The following CHRDL1 variants were observed in gnomAD, a reference collection of about 807,000 sequenced individuals.
The protein encoded by CHRDL1 is chordin like 1.
CHRDL1 carries 19 observed loss-of-function variants against 40.9 expected under a neutral mutation model. The ratio of observed to expected loss-of-function variants is 0.46; its 90% CI spans 0.32 to 0.68. CHRDL1 has a LOEUF of 0.68. Ranked by LOEUF, CHRDL1 falls within the 30% of genes least tolerant of loss-of-function variation. The probability of loss-of-function intolerance (pLI) is 0.03; values close to 1 mark genes in which losing one functional copy is unlikely to be tolerated. For missense variants in CHRDL1, 329 were observed against 352.1 expected (o/e 0.93, Z 0.53); for synonymous variants, 136 against 123.4 (o/e 1.10, Z -0.68).
At chrX:110,716,164 A>C (rs1448144740) in intron 6 of CHRDL1, among the ~76,000 whole-genome samples, 3 of 112,231 alleles carry the variant, frequency 2.7e-5, no homozygotes, top group Non-Finnish European at 3.8e-5. Flanking sequence ...GGGGAAGAAA[A>C]CAACTTGGAG....
chrX:110,707,878 T>A (rs2070673851), intron 6 of CHRDL1, among the ~76,000 whole-genome samples: 1 of 110,762 alleles, frequency 9.0e-6, no homozygotes, highest in Non-Finnish European at 1.9e-5. Context: ...TGGGAGAAAA[T>A]TTGTGCAATC....
chrX:110,745,189 C>T (rs2071430501), intron 4 of CHRDL1, among the ~76,000 whole-genome samples: 1 of 111,826 alleles, frequency 8.9e-6, no homozygotes, highest in Non-Finnish European at 1.9e-5. Flanking sequence ...TGAATTCTTA[C>T]AGTTAAGCTA....
intron 9 of CHRDL1, among the ~76,000 whole-genome samples, chrX:110,686,962 T>G (rs904128110): frequency 1.8e-5 from 2 of 109,391 alleles, no homozygotes; most frequent in Non-Finnish European, 3.8e-5. Flanking sequence ...TCTCATAAAT[T>G]TCAATGCCCC....
rs2089277940 is a variant in CHRDL1, at chrX:110,747,436, A to AC, written c.301+12224_301+12225insG. On this transcript the variant is annotated intron_variant, in intron 4 of 11. Transcript: ENST00000372042. ...CACACACACACACACACACACACAC[A>AC]AAACCAAACATCAAGAAGACCAAAA... Among the ~76,000 whole-genome samples the AC allele has an allele frequency of 2.8e-5, 3 of 107,202 alleles. No homozygotes were observed. In the South Asian group the frequency reaches 1.2e-3, roughly 44 times the overall value. The allele number at this position is 107,202 out of a possible 115,157, so 93.1% of individuals were successfully genotyped here. A position where few individuals can be genotyped will look rare whatever the true frequency, so the allele number is the denominator to read the frequency against.
intron 2 of CHRDL1, among the ~76,000 whole-genome samples, chrX:110,763,142 C>T (rs1263700076): frequency 2.7e-5 from 3 of 110,812 alleles, no homozygotes; most frequent in Admixed American, 9.6e-5. Context: ...TTTATTTTTC[C>T]ATAAGTTATT....
At chrX:110,743,441 A>T (rs1174682921) in intron 4 of CHRDL1, among the ~76,000 whole-genome samples, 1 of 112,169 alleles carries the variant, frequency 8.9e-6, no homozygotes, top group Non-Finnish European at 1.9e-5. Flanking sequence ...GTCCTGCCTT[A>T]AAAAATTTCC....
chrX:110,726,144 G>A (rs1026672772), intron 4 of CHRDL1, among the ~76,000 whole-genome samples: 3 of 111,290 alleles, frequency 2.7e-5, no homozygotes, highest in African/African-American at 9.8e-5. Flanking sequence ...TGATGCAAGA[G>A]AAGATAACTG....
chrX:110,690,406 T>C (rs1160730638), intron 8 of CHRDL1, among the ~76,000 whole-genome samples: 2 of 108,790 alleles, frequency 1.8e-5, no homozygotes, highest in African/African-American at 6.7e-5. Flanking sequence ...GAAAGCAGAG[T>C]TCTATCTCTA....
chrX:110,782,732 A>G (rs2089965147), intron 2 of CHRDL1, among the ~76,000 whole-genome samples: 1 of 112,331 alleles, frequency 8.9e-6, no homozygotes, highest in Non-Finnish European at 1.9e-5. Context: ...TGATGGGAAG[A>G]CAAGATTACC....
At chrX:110,678,682 T>G (rs5943045) in intron 11 of CHRDL1, among the ~76,000 whole-genome samples, 53,531 of 110,412 alleles carry the variant, frequency 0.48, 11,296 homozygotes, top group African/African-American at 0.79. Context: ...CATACTGAAG[T>G]CATTTTCATG....
chrX:110,679,436 GC>G lies in CHRDL1; in HGVS notation c.1157-12del. On this transcript the variant is annotated splice_polypyrimidine_tract_variant and intron_variant, in intron 10 of 11. Coordinates refer to ENST00000372042, the MANE Select transcript of CHRDL1 (RefSeq NM_001143981.2). The stretch of plus-strand genomic sequence containing the variant: ...AGTGCTGGAGAATGCCTAGGGCCAA[GC>G]AAAAAGTGGAGCAAATGGTCAGGCA... The G allele has an allele frequency of 8.8e-7, 1 of 1,141,553 alleles. No homozygotes were observed. The highest frequency in any genetic ancestry group is 2.4e-4 in the Middle Eastern group (1 of 4,088). The allele number at this position is 1,141,553 out of a possible 1,213,427, so 94.1% of individuals were successfully genotyped here. A position where few individuals can be genotyped will look rare whatever the true frequency, so the allele number is the denominator to read the frequency against.
intron 10 of CHRDL1, among the ~76,000 whole-genome samples, chrX:110,679,901 C>T (rs974621809): frequency 4.5e-5 from 5 of 112,138 alleles, no homozygotes; most frequent in African/African-American, 1.6e-4. Flanking sequence ...TGTTCTTGAA[C>T]TCACTGAAAA....
At chrX:110,684,878 C>T (rs1029149540) in intron 9 of CHRDL1, among the ~76,000 whole-genome samples, 5 of 112,076 alleles carry the variant, frequency 4.5e-5, no homozygotes, top group African/African-American at 1.6e-4. Context: ...GTCTGGCTCA[C>T]TGAGAGGCAG....
chrX:110,727,456 T>A (rs1412559323), intron 4 of CHRDL1, among the ~76,000 whole-genome samples: 1 of 112,351 alleles, frequency 8.9e-6, no homozygotes, highest in Non-Finnish European at 1.9e-5. Flanking sequence ...TGGAATAGAA[T>A]CTCTTCACAT....
chrX:110,760,006 T>C (rs1191766511), intron 3 of CHRDL1, among the ~76,000 whole-genome samples: 1 of 112,026 alleles, frequency 8.9e-6, no homozygotes, highest in African/African-American at 3.2e-5. Context: ...TCCCATTAAT[T>C]GTGGGAGGCT....
chrX:110,689,069 T>TATATAAATATATATATAA (rs2070091723), intron 8 of CHRDL1, among the ~76,000 whole-genome samples: 2 of 14,769 alleles, frequency 1.4e-4, no homozygotes, highest in African/African-American at 2.3e-3. Flanking sequence ...TAAATATATA[T>TATATAAATATATATATAA]ATGTATATAT....
chrX:110,687,933 G>A (rs968936768), intron 9 of CHRDL1, among the ~76,000 whole-genome samples: 1 of 111,809 alleles, frequency 8.9e-6, no homozygotes, highest in African/African-American at 3.2e-5. Flanking sequence ...ACGATGGGCT[G>A]GAAGTGACTT....
intron 2 of CHRDL1, among the ~76,000 whole-genome samples, chrX:110,784,031 T>C (rs746831604): frequency 4.4e-5 from 5 of 112,425 alleles, no homozygotes; most frequent in Non-Finnish European, 9.4e-5. Flanking sequence ...ATTCATTATA[T>C]GAGTGGACAC....
In CHRDL1 at chrX:110,773,441, T is replaced by A. The variant is rs747705669; in HGVS notation, c.95-10634A>T. On this transcript the variant is annotated intron_variant, in intron 2 of 11. Transcript: ENST00000372042. ...TTCCAGTATGGTGTAGAAGTATATA[T>A]TGTAGGGCCGGGCACGGTGGCTCAC... is the stretch of plus-strand genomic sequence containing the variant. Among the ~76,000 whole-genome samples, 21 of 111,598 alleles carry A rather than the reference T, an allele frequency of 1.9e-4. No homozygotes were observed. In the South Asian group the frequency reaches 7.9e-3, roughly 42 times the overall value.
Sources: gnomAD v4.1 joint callset for allele counts (sites outside exome capture counted in the v4.1 genomes callset) on GRCh38, gnomAD v4.1.1 for gene constraint, MANE v1.5 for transcripts, NCBI Gene and HGNC (gene_info 2026-07-23, HGNC 2026-07-21) for gene names.